The following ULK4 variants were observed in gnomAD, a reference collection of about 807,000 sequenced individuals.
ULK4 encodes unc-51 like kinase 4.
A neutral mutation model predicts 160.6 loss-of-function variants in ULK4; 133 were observed. The observed-to-expected ratio is 0.83, with a 90% CI of 0.72 to 0.96. The LOEUF is 0.96. Ranked by LOEUF, ULK4 falls within the 40% of genes least tolerant of loss-of-function variation. ULK4 has a pLI of 0.00. For missense variants in ULK4, 1,580 were observed against 1,499.5 expected (o/e 1.05, Z -0.89); for synonymous variants, 534 against 539.8 (o/e 0.99, Z 0.15).
chr3:41,709,191 A>T (rs1325579997), intron 25 of ULK4, among the ~76,000 whole-genome samples: 1 of 152,220 alleles, frequency 6.6e-6, no homozygotes, highest in Non-Finnish European at 1.5e-5. Context: ...AATAAGCATG[A>T]ATTATAATTT....
chr3:41,727,881 T>C (rs748811475), intron 22 of ULK4, among the ~76,000 whole-genome samples: 20 of 152,200 alleles, frequency 1.3e-4, no homozygotes, highest in East Asian at 3.9e-4. Context: ...ATGGTGTTAA[T>C]TGATGAGATT....
chr3:41,650,595 T>G (rs149502994), intron 30 of ULK4, among the ~76,000 whole-genome samples: 164 of 152,346 alleles, frequency 1.1e-3, no homozygotes, highest in African/African-American at 3.8e-3. Context: ...ACAGACCCCA[T>G]GCTCACTCAC....
chr3:41,681,448 G>A, intron 29 of ULK4, 60 bp downstream of exon 29: 2 of 1,599,170 alleles, frequency 1.3e-6, no homozygotes, highest in Admixed American at 1.7e-5. Flanking sequence ...AACCTAGTTT[G>A]ACAGAAGCTT....
At chr3:41,610,819 C>T (rs932501654) in intron 31 of ULK4, among the ~76,000 whole-genome samples, 1 of 152,118 alleles carries the variant, frequency 6.6e-6, no homozygotes, top group African/African-American at 2.4e-5. Context: ...TATTTTGGCA[C>T]ATATTGGAAA....
intron 30 of ULK4, among the ~76,000 whole-genome samples, chr3:41,657,870 C>A (rs1015746405): frequency 2.2e-5 from 3 of 139,246 alleles, no homozygotes; most frequent in South Asian, 2.3e-4. Context: ...TGGGGATGAT[C>A]TCTAAAGTTA....
intron 35 of ULK4, among the ~76,000 whole-genome samples, chr3:41,289,811 GTATGTAT>G (rs2079524704): frequency 3.7e-3 from 1 of 270 alleles, no homozygotes; most frequent in Non-Finnish European, 0.014. Flanking sequence ...GTCAACTTAT[GTATGTAT>G]GTATGTATGT....
chr3:41,685,097 C>T (rs1322021435), intron 27 of ULK4, among the ~76,000 whole-genome samples: 3 of 152,154 alleles, frequency 2.0e-5, no homozygotes, highest in African/African-American at 7.2e-5. Context: ...ATTTGTGTGA[C>T]CTTTGCCATT....
intron 29 of ULK4, among the ~76,000 whole-genome samples, chr3:41,676,717 T>C (rs1033025004): frequency 1.3e-5 from 2 of 152,192 alleles, no homozygotes; most frequent in African/African-American, 2.4e-5. Flanking sequence ...TGAAATAAGA[T>C]ACATTTAGTA....
intron 32 of ULK4, among the ~76,000 whole-genome samples, chr3:41,561,782 A>C (rs527437536): frequency 1.3e-5 from 2 of 152,150 alleles, no homozygotes; most frequent in South Asian, 4.2e-4. Context: ...CTAGTGGTCT[A>C]TTAAGTCGTT....
intron 35 of ULK4, among the ~76,000 whole-genome samples, chr3:41,305,589 G>T (rs1354126962): frequency 6.6e-6 from 1 of 152,182 alleles, no homozygotes; most frequent in African/African-American, 2.4e-5. Context: ...CCTCCCAGCC[G>T]CCTGCCTTGG....
intron 32 of ULK4, among the ~76,000 whole-genome samples, chr3:41,536,370 A>C (rs1322953207): frequency 1.5e-5 from 1 of 68,116 alleles, no homozygotes; most frequent in Non-Finnish European, 3.3e-5. Flanking sequence ...GAACTGACAA[A>C]CATTTTCTTA....
intron 34 of ULK4, among the ~76,000 whole-genome samples, chr3:41,419,395 C>T (rs1336343595): frequency 1.3e-5 from 2 of 152,134 alleles, no homozygotes; most frequent in East Asian, 3.9e-4. Flanking sequence ...TCACCACTGA[C>T]TCAGACACTC....
At chr3:41,830,153 G>C (rs139996326) in intron 18 of ULK4, among the ~76,000 whole-genome samples, 4 of 152,122 alleles carry the variant, frequency 2.6e-5, no homozygotes, top group Non-Finnish European at 4.4e-5. Context: ...TTGTGGGGTA[G>C]GGGGAGTGGG....
intron 21 of ULK4, among the ~76,000 whole-genome samples, chr3:41,774,073 A>G (rs1410849226): frequency 1.3e-5 from 2 of 152,202 alleles, no homozygotes; most frequent in Non-Finnish European, 2.9e-5. Context: ...AAATCAATTC[A>G]AGATGGATTA....
chr3:41,676,094 C>A (rs1448003815), intron 29 of ULK4, among the ~76,000 whole-genome samples: 1 of 152,152 alleles, frequency 6.6e-6, no homozygotes, highest in Non-Finnish European at 1.5e-5. Flanking sequence ...CCCACGGACA[C>A]TGTGGCAGAC....
intron 35 of ULK4, among the ~76,000 whole-genome samples, chr3:41,373,250 T>C (rs1394154786): frequency 1.3e-5 from 2 of 152,048 alleles, no homozygotes; most frequent in South Asian, 2.1e-4. Flanking sequence ...TTAATAAGAA[T>C]ATTCAGTACT....
intron 32 of ULK4, among the ~76,000 whole-genome samples, chr3:41,540,071 T>C (rs2086641413): frequency 6.6e-6 from 1 of 151,988 alleles, no homozygotes; most frequent in African/African-American, 2.4e-5. Flanking sequence ...GTGTTTTTTA[T>C]TTATTATTAT....
intron 19 of ULK4, among the ~76,000 whole-genome samples, chr3:41,805,935 C>T (rs879736275): frequency 0.035 from 4,972 of 143,484 alleles, 113 homozygotes; most frequent in African/African-American, 0.088. Context: ...GGATATTGGT[C>T]TAAAATTCTC....
chr3:41,320,566 A>T (rs148774086), intron 35 of ULK4, among the ~76,000 whole-genome samples: 113 of 152,198 alleles, frequency 7.4e-4, no homozygotes, highest in African/African-American at 2.7e-3. Flanking sequence ...CTGGACAAGA[A>T]TCCTTCTCAA....
Sources: allele counts gnomAD v4.1 joint callset (sites outside exome capture counted in the v4.1 genomes callset), GRCh38; gene constraint gnomAD v4.1.1; transcripts MANE v1.5; gene names NCBI Gene and HGNC (gene_info 2026-07-23, HGNC 2026-07-21).